NAV3: variants seen among roughly 807,000 people sequenced by gnomAD.
The protein encoded by NAV3 is neuron navigator 3.
Under a neutral mutation model 244.7 loss-of-function variants are expected in NAV3, and 87 were observed. The ratio of observed to expected loss-of-function variants is 0.36; its 90% confidence interval spans 0.30 to 0.42. NAV3 has a LOEUF of 0.42. Among genes scored for constraint, NAV3 ranks in the 20% least tolerant of loss-of-function variants. The probability of loss-of-function intolerance (pLI) is 1.00; values close to 1 mark genes in which losing one functional copy is unlikely to be tolerated. For missense variants in NAV3, 2,663 were observed against 2,893.3 expected, an observed-to-expected ratio of 0.92 and a Z score of 1.83; for synonymous variants, 1,126 against 1,042.2, an observed-to-expected ratio of 1.08 and a Z score of -1.55.
At chr12:78,094,989 G>A (rs977860776) in intron 12 of NAV3, among the ~76,000 whole-genome samples, 45 of 151,362 alleles carry the variant, frequency 3.0e-4, no homozygotes, top group African/African-American at 1.1e-3. Context: ...GAGGGTTGCA[G>A]TGAGCCGAGA....
At chr12:77,905,801 A>C (rs1302498548) in intron 1 of NAV3, among the ~76,000 whole-genome samples, 2 of 152,192 alleles carry the variant, frequency 1.3e-5, no homozygotes, top group Non-Finnish European at 2.9e-5. Context: ...ATGAGCACAA[A>C]AATTACTACA....
chr12:77,768,099 C>T (rs1184425604), intron 2 of NAV3, among the ~76,000 whole-genome samples: 2 of 152,178 alleles, frequency 1.3e-5, no homozygotes, highest in Non-Finnish European at 2.9e-5. Context: ...AGAACCTATC[C>T]ACAGGTAGGT....
upstream of NAV3, among the ~76,000 whole-genome samples, chr12:77,828,364 A>ATT (rs1873234855): frequency 1.3e-5 from 2 of 152,146 alleles, no homozygotes; most frequent in South Asian, 4.1e-4. Flanking sequence ...ATCTGTTGTT[A>ATT]TTTATAAATT....
intron 12 of NAV3, among the ~76,000 whole-genome samples, chr12:78,091,046 A>C (rs1445731008): frequency 6.6e-6 from 1 of 151,686 alleles, no homozygotes. Flanking sequence ...CTCAATTATA[A>C]TACTGGGAAA....
intron 24 of NAV3, among the ~76,000 whole-genome samples, chr12:78,174,567 G>A (rs1958140533): frequency 6.6e-6 from 1 of 151,848 alleles, no homozygotes; most frequent in African/African-American, 2.4e-5. Flanking sequence ...CAAGCATATT[G>A]TAAAACCTAG....
At chr12:77,606,796 C>A (rs1870689610) in intron 2 of NAV3, among the ~76,000 whole-genome samples, 1 of 152,048 alleles carries the variant, frequency 6.6e-6, no homozygotes, top group African/African-American at 2.4e-5. Flanking sequence ...CTTAAGGGAG[C>A]AAAATGGCTG....
chr12:78,177,638 A>G lies in NAV3; in HGVS notation c.5316A>G (p.Pro1772=), dbSNP rs767600794. The change falls in exon 28 of 40, where the codon CCA becomes CCG. Residue 1772 remains proline (P), a synonymous_variant. Coordinates refer to ENST00000397909, the MANE Select transcript of NAV3 (RefSeq NM_001024383.2). ...CATACAGGTCACCCCTTGTCTGGCC[A>G]CCAAAGAAACGACAAAATGGCCCTG... ...QSASASPLVW[P]PKKRQNGPVI... 6.9e-6 allele frequency: 11 copies of G among 1,597,320 alleles called. No homozygotes were observed. Among genetic ancestry groups the G allele is most frequent in the Non-Finnish European group, 9.3e-6 (11 of 1,179,228 alleles).
chr12:78,122,404 G>T lies in NAV3; in HGVS notation c.4214G>T (p.Ser1405Ile). The change falls in exon 16 of 40, where the codon AGT (serine) becomes ATT (isoleucine). Residue 1405 changes from serine to isoleucine, a missense_variant. Ser to Ile is a moderately radical substitution (Grantham distance 142). Around this residue, in one of 6 missense-constraint regions of NAV3, gnomAD observed 354 missense variants for 413.0 expected, o/e 0.86. Transcript: ENST00000397909. The part of the protein sequence containing the change: ...EVQSLLMRTG[S>I]VRSTLSESMQ... ...CAGAGCCTGCTCATGAGAACGGGTA[G>T]TGTGAGATCTACTCTCTCAGAAAGG... 6.2e-7 allele frequency: 1 copy of T among 1,607,224 alleles called. No homozygotes were observed. The highest frequency in any genetic ancestry group is 8.5e-7 in the Non-Finnish European group (1 of 1,177,562).
chr12:78,118,052 C>T lies in NAV3; in HGVS notation c.2795C>T (p.Ser932Phe), dbSNP rs1427394124. ...TQLRTDSEKR[S>F]TTDETWDSPE... ...CTGAGGACAGATTCAGAGAAACGCT[C>T]CACCACAGACGAGACCTGGGATAGT... The change falls in exon 14 of 40, where the codon TCC (serine) becomes TTC (phenylalanine). Residue 932 changes from serine to phenylalanine, a missense_variant. Coordinates refer to ENST00000397909, the MANE Select transcript of NAV3 (RefSeq NM_001024383.2). 6.2e-7 allele frequency: 1 copy of T among 1,612,362 alleles called. No homozygotes were observed. The highest frequency in any genetic ancestry group is 8.5e-7 in the Non-Finnish European group (1 of 1,179,262).
intron 1 of NAV3, among the ~76,000 whole-genome samples, chr12:77,868,433 CT>C (rs1320344731): frequency 2.0e-5 from 3 of 151,988 alleles, no homozygotes; most frequent in Admixed American, 2.0e-4. Flanking sequence ...AGATGATTCC[CT>C]TTAATAGATT....
At chr12:77,912,598 T>C (rs1886711576) in intron 1 of NAV3, among the ~76,000 whole-genome samples, 1 of 151,020 alleles carries the variant, frequency 6.6e-6, no homozygotes, top group African/African-American at 2.4e-5. Context: ...AGTAGTATTA[T>C]TATCTTTGTA....
intron 2 of NAV3, among the ~76,000 whole-genome samples, chr12:77,603,147 G>A (rs2136779563): frequency 6.6e-6 from 1 of 152,130 alleles, no homozygotes; most frequent in South Asian, 2.1e-4. Context: ...TTCAAGGATG[G>A]AGACTTTAGA....
intron 2 of NAV3, among the ~76,000 whole-genome samples, chr12:77,763,142 A>G (rs1869573004): frequency 6.6e-6 from 1 of 152,132 alleles, no homozygotes; most frequent in Non-Finnish European, 1.5e-5. Flanking sequence ...CCTTCTACAT[A>G]CTGCCTCCAG....
rs777110341 is a variant in NAV3, at chr12:78,181,020, G to T, written c.5667G>T (p.Leu1889Phe). Residue 1889 changes from leucine (L) to phenylalanine (F), a missense_variant, in exon 30 of 40, where the codon TTG (leucine) becomes TTT (phenylalanine). Transcript: ENST00000397909. Reference sequence around the variant, plus strand: ...CATTAGGACTTTCTCTAAACAATTTGAACATCACAGAGGCTGTTAGCTCAG... The same window carrying T: ...CATTAGGACTTTCTCTAAACAATTTTAACATCACAGAGGCTGTTAGCTCAG... ...RQSLGLSLNN[L>F]NITEAVSSDI... The T allele has an allele frequency of 6.2e-7, 1 of 1,612,920 alleles. No homozygotes were observed. Among genetic ancestry groups the T allele is most frequent in the South Asian group, 1.1e-5 (1 of 91,016 alleles).
intron 9 of NAV3, among the ~76,000 whole-genome samples, chr12:78,025,427 C>T (rs1374616048): frequency 2.6e-5 from 4 of 151,708 alleles, no homozygotes; most frequent in East Asian, 1.9e-4. Flanking sequence ...GAAACCTCAT[C>T]TTTACTAAAA....
intron 2 of NAV3, among the ~76,000 whole-genome samples, chr12:77,710,236 G>A (rs1876042536): frequency 6.6e-6 from 1 of 152,042 alleles, no homozygotes; most frequent in African/African-American, 2.4e-5. Flanking sequence ...AATTATTTCA[G>A]AAACAAAAGG....
At chr12:78,037,414 G>T (rs901529497) in intron 9 of NAV3, 1 of 668,880 alleles carries the variant, frequency 1.5e-6, no homozygotes, top group African/African-American at 1.8e-5. Context: ...CTAAAAACGT[G>T]TATGGGATCT....
intron 1 of NAV3, among the ~76,000 whole-genome samples, chr12:77,903,281 A>G (rs947090979): frequency 2.6e-5 from 4 of 152,096 alleles, no homozygotes; most frequent in East Asian, 1.9e-4. Context: ...GCATGGTACT[A>G]GTACAAAAAC....
chr12:78,090,372 T>C (rs1314557348), intron 12 of NAV3, among the ~76,000 whole-genome samples: 1 of 151,822 alleles, frequency 6.6e-6, no homozygotes, highest in Non-Finnish European at 1.5e-5. Flanking sequence ...AATTCAAACA[T>C]GTTAAGCAGT....
Sources: gnomAD v4.1 joint callset for allele counts (sites outside exome capture counted in the v4.1 genomes callset) on GRCh38, gnomAD v4.1.1 for gene constraint, gnomAD v4.1.1 regional missense constraint, MANE v1.5 for transcripts, NCBI Gene and HGNC (gene_info 2026-07-23, HGNC 2026-07-21) for gene names.